Variants in SPIDR observed in about 807,000 individuals in gnomAD.
SPIDR encodes scaffold protein involved in DNA repair, also known as DNA repair-scaffolding protein.
Under a neutral mutation model 104.6 loss-of-function variants are expected in SPIDR, and 93 were observed. The observed-to-expected ratio is 0.89, with a 90% confidence interval of 0.75 to 1.06. The LOEUF is 1.06. SPIDR is among the 50% of genes least tolerant of loss of function. The pLI is 0.00. For missense variants in SPIDR, 1,154 were observed against 1,111.2 expected (o/e 1.04, Z -0.55); for synonymous variants, 431 against 416.9 (o/e 1.03, Z -0.41).
At chr8:47,424,608 A>G (rs2066122841) in intron 7 of SPIDR, among the ~76,000 whole-genome samples, 1 of 152,214 alleles carries the variant, frequency 6.6e-6, no homozygotes, top group Non-Finnish European at 1.5e-5. Context: ...GTTAGCCACC[A>G]TACCCGGACC....
At chr8:47,510,997 AAC>A (rs967746190) in intron 8 of SPIDR, 11 of 692,872 alleles carry the variant, frequency 1.6e-5, no homozygotes, top group African/African-American at 3.5e-5. Flanking sequence ...GGCTGTGAGA[AAC>A]ACAGGAGAGA....
At chr8:47,557,786 A>G (rs1426016349) in intron 8 of SPIDR, among the ~76,000 whole-genome samples, 1 of 152,248 alleles carries the variant, frequency 6.6e-6, no homozygotes, top group Non-Finnish European at 1.5e-5. Flanking sequence ...CTTTTGAGAT[A>G]CGCACAAGAC....
rs545038016 is a variant in SPIDR, at chr8:47,342,590, T to A, written c.525+48560T>A. Among the ~76,000 whole-genome samples, 3 of 152,176 alleles carry A rather than the reference T, an allele frequency of 2.0e-5. No homozygotes were observed. The South Asian group carries it at 6.2e-4, about 32-fold the overall frequency. On this transcript the variant is annotated intron_variant, in intron 5 of 19. Coordinates refer to ENST00000297423, the MANE Select transcript of SPIDR (RefSeq NM_001080394.4). ...GACCTCAGGTGATCCACCTGCCTCG[T>A]CCTCCCGAAGTTCTGGGATTACAGG...
chr8:47,675,030 TTTGTC>T (rs2076244484), intron 11 of SPIDR, among the ~76,000 whole-genome samples: 1 of 152,120 alleles, frequency 6.6e-6, no homozygotes, highest in Non-Finnish European at 1.5e-5. Flanking sequence ...TGTTTTTTGT[TTTGTC>T]TTGTTTTATT....
intron 10 of SPIDR, among the ~76,000 whole-genome samples, chr8:47,637,307 C>A (rs905108284): frequency 6.6e-6 from 1 of 152,048 alleles, no homozygotes; most frequent in Non-Finnish European, 1.5e-5. Context: ...CGGTGGCTTA[C>A]GCCTGCAATC....
At chr8:47,384,025 T>A (rs1283014881) in intron 5 of SPIDR, among the ~76,000 whole-genome samples, 1 of 152,222 alleles carries the variant, frequency 6.6e-6, no homozygotes, top group East Asian at 1.9e-4. Flanking sequence ...CGCAACTTAC[T>A]GTTTTGGTAA....
intron 5 of SPIDR, among the ~76,000 whole-genome samples, chr8:47,376,362 T>A (rs781866054): frequency 2.6e-5 from 4 of 152,060 alleles, no homozygotes; most frequent in Non-Finnish European, 2.9e-5. Flanking sequence ...GATCCTGAGC[T>A]CCAGATGACA....
intron 5 of SPIDR, among the ~76,000 whole-genome samples, chr8:47,348,188 A>G (rs1433955967): frequency 6.6e-6 from 1 of 152,020 alleles, no homozygotes; most frequent in African/African-American, 2.4e-5. Context: ...AAAGGATTTT[A>G]TTTCTCCTTC....
At chr8:47,314,714 A>G (rs145632297) in intron 5 of SPIDR, among the ~76,000 whole-genome samples, 66 of 152,360 alleles carry the variant, frequency 4.3e-4, no homozygotes, top group African/African-American at 1.5e-3. Context: ...ATTCAAGATG[A>G]GATTTGGGTG....
intron 10 of SPIDR, among the ~76,000 whole-genome samples, chr8:47,600,932 A>G (rs1017157577): frequency 8.5e-5 from 13 of 152,306 alleles, no homozygotes; most frequent in Middle Eastern, 3.4e-3. Context: ...GTTGCTTCCT[A>G]TGACTAATCA....
intron 7 of SPIDR, among the ~76,000 whole-genome samples, chr8:47,425,996 G>A (rs929960024): frequency 6.6e-6 from 1 of 151,938 alleles, no homozygotes; most frequent in Non-Finnish European, 1.5e-5. Flanking sequence ...TGTAATCCCA[G>A]CACTTTGGGA....
chr8:47,337,754 T>C (rs188180165), intron 5 of SPIDR, among the ~76,000 whole-genome samples: 90 of 152,278 alleles, frequency 5.9e-4, no homozygotes, highest in African/African-American at 2.1e-3. Flanking sequence ...ATTAACTTTT[T>C]TGGTAGTGTG....
chr8:47,596,462 AC>A (rs2061625583), intron 9 of SPIDR, among the ~76,000 whole-genome samples: 1 of 152,148 alleles, frequency 6.6e-6, no homozygotes, highest in South Asian at 2.1e-4. Context: ...ACGTATCTAA[AC>A]ATAGAAAAAG....
intron 8 of SPIDR, chr8:47,511,452 C>T (rs1564188700): frequency 2.6e-6 from 2 of 782,970 alleles, no homozygotes; most frequent in East Asian, 4.9e-5. Flanking sequence ...TATCCAAGTT[C>T]GCCTGTCCAC....
chr8:47,702,839 A>C (rs2080507119), intron 14 of SPIDR, among the ~76,000 whole-genome samples: 1 of 152,134 alleles, frequency 6.6e-6, no homozygotes, highest in Non-Finnish European at 1.5e-5. Flanking sequence ...ACCAGGCCCC[A>C]GATGCCTGCA....
intron 5 of SPIDR, among the ~76,000 whole-genome samples, chr8:47,363,575 C>G (rs1554632011): frequency 6.6e-6 from 1 of 151,846 alleles, no homozygotes; most frequent in Non-Finnish European, 1.5e-5. Flanking sequence ...CTTCCCGCCC[C>G]AGGCTCTGGC....
chr8:47,548,948 T>A (rs1198483433), intron 8 of SPIDR, among the ~76,000 whole-genome samples: 1 of 152,164 alleles, frequency 6.6e-6, no homozygotes, highest in Non-Finnish European at 1.5e-5. Context: ...TGTCCCAGTG[T>A]GTGATGTTCC....
chr8:47,292,031 A>G (rs1395483513), intron 4 of SPIDR, among the ~76,000 whole-genome samples: 1 of 152,154 alleles, frequency 6.6e-6, no homozygotes, highest in Non-Finnish European at 1.5e-5. Flanking sequence ...TCCCAGCCAC[A>G]GTGATGATAA....
At chr8:47,309,740 T>C (rs1212168009) in intron 5 of SPIDR, among the ~76,000 whole-genome samples, 1 of 152,142 alleles carries the variant, frequency 6.6e-6, no homozygotes, top group Non-Finnish European at 1.5e-5. Flanking sequence ...CTGTGTAATG[T>C]TAAAAAGTAG....
Sources: allele counts gnomAD v4.1 joint callset (sites outside exome capture counted in the v4.1 genomes callset), GRCh38; gene constraint gnomAD v4.1.1; transcripts MANE v1.5; gene names NCBI Gene and HGNC (gene_info 2026-07-23, HGNC 2026-07-21).